The following GPC6 variants were observed in gnomAD, a reference collection of about 807,000 sequenced individuals.
The protein encoded by GPC6 is glypican-6.
In GPC6, 14 loss-of-function variants were observed where a neutral mutation model predicts 55.2. The ratio of observed to expected loss-of-function variants is 0.25; its 90% CI spans 0.17 to 0.40. The LOEUF (loss-of-function observed/expected upper bound fraction) is 0.40, where lower values mean the gene tolerates loss of function less well. Among genes scored for constraint, GPC6 ranks in the 10% least tolerant of loss-of-function variants. GPC6 has a pLI of 1.00. For missense variants in GPC6, 641 were observed against 708.5 expected, an observed-to-expected ratio of 0.90 and a Z score of 1.08; for synonymous variants, 278 against 259.6, an observed-to-expected ratio of 1.07 and a Z score of -0.68.
intron 3 of GPC6, among the ~76,000 whole-genome samples, chr13:93,910,207 G>T (rs1208057741): frequency 6.6e-6 from 1 of 152,004 alleles, no homozygotes; most frequent in African/African-American, 2.4e-5. Context: ...TCATGGGGGT[G>T]GGTCTTTCCC....
At chr13:93,374,898 A>G (rs1167184066) in intron 1 of GPC6, among the ~76,000 whole-genome samples, 1 of 152,190 alleles carries the variant, frequency 6.6e-6, no homozygotes, top group Non-Finnish European at 1.5e-5. Flanking sequence ...TTCAAAATTT[A>G]CCTTATGGCC....
intron 4 of GPC6, among the ~76,000 whole-genome samples, chr13:94,097,600 C>A (rs1365320116): frequency 6.6e-6 from 1 of 151,018 alleles, no homozygotes; most frequent in African/African-American, 2.4e-5. Flanking sequence ...ATCTGTCTCA[C>A]AACAATGTGA....
intron 1 of GPC6, among the ~76,000 whole-genome samples, chr13:93,542,687 T>C (rs990026574): frequency 6.6e-6 from 1 of 151,946 alleles, no homozygotes; most frequent in African/African-American, 2.4e-5. Context: ...GTTTGTATTC[T>C]CTTTTATTTT....
At chr13:94,322,518 G>T (rs1876881688) in intron 6 of GPC6, among the ~76,000 whole-genome samples, 1 of 152,244 alleles carries the variant, frequency 6.6e-6, no homozygotes, top group South Asian at 2.1e-4. Context: ...AATTGCTATT[G>T]TGGAATATTA....
chr13:94,211,272 G>T (rs1269998488), intron 4 of GPC6, among the ~76,000 whole-genome samples: 1 of 152,208 alleles, frequency 6.6e-6, no homozygotes, highest in South Asian at 2.1e-4. Context: ...TGAATCTTTT[G>T]AGAAGAGCTT....
intron 2 of GPC6, among the ~76,000 whole-genome samples, chr13:93,702,125 T>G: frequency 6.6e-6 from 1 of 152,048 alleles, no homozygotes; most frequent in East Asian, 1.9e-4. Flanking sequence ...AATGTATTTC[T>G]TAAATACAAT....
At chr13:93,566,281 C>G (rs1247916516) in intron 2 of GPC6, among the ~76,000 whole-genome samples, 2 of 152,174 alleles carry the variant, frequency 1.3e-5, no homozygotes, top group Non-Finnish European at 2.9e-5. Context: ...ACTATTCTTT[C>G]AAAGTTAAGT....
chr13:93,566,769 A>G (rs1594273543), intron 2 of GPC6, among the ~76,000 whole-genome samples: 1 of 151,582 alleles, frequency 6.6e-6, no homozygotes, highest in African/African-American at 2.4e-5. Flanking sequence ...CTGTACCCAT[A>G]TGTTCTCATT....
chr13:93,342,745 G>C (rs755536986), intron 1 of GPC6, among the ~76,000 whole-genome samples: 3 of 152,178 alleles, frequency 2.0e-5, no homozygotes, highest in Non-Finnish European at 4.4e-5. Flanking sequence ...CTTACTGAGG[G>C]GGACTGGATG....
intron 3 of GPC6, among the ~76,000 whole-genome samples, chr13:93,873,160 T>C (rs553366350): frequency 1.3e-5 from 2 of 152,082 alleles, no homozygotes; most frequent in Admixed American, 6.6e-5. Flanking sequence ...CACACACTTA[T>C]GTAAACAGTC....
intron 4 of GPC6, among the ~76,000 whole-genome samples, chr13:94,070,190 C>G (rs1486010203): frequency 6.6e-6 from 1 of 152,156 alleles, no homozygotes; most frequent in Non-Finnish European, 1.5e-5. Context: ...AGAGAGAGAG[C>G]TTGTGTAGGG....
chr13:94,360,429 T>A (rs1879005936), intron 6 of GPC6, among the ~76,000 whole-genome samples: 1 of 152,202 alleles, frequency 6.6e-6, no homozygotes, highest in Non-Finnish European at 1.5e-5. Context: ...GATTCATCTG[T>A]CTTTGGACCT....
At chr13:94,285,892 A>T (rs1174153466) in intron 4 of GPC6, among the ~76,000 whole-genome samples, 1 of 152,164 alleles carries the variant, frequency 6.6e-6, no homozygotes, top group South Asian at 2.1e-4. Context: ...ATCTTGAGAG[A>T]TCCAGAAATG....
chr13:94,259,519 T>C (rs747798407), intron 4 of GPC6, among the ~76,000 whole-genome samples: 8 of 152,196 alleles, frequency 5.3e-5, no homozygotes, highest in Non-Finnish European at 7.4e-5. Context: ...TTTTCAAAAA[T>C]ATTTTAACGA....
At chr13:94,370,505 G>A (rs908642960) in intron 6 of GPC6, among the ~76,000 whole-genome samples, 2 of 152,136 alleles carry the variant, frequency 1.3e-5, no homozygotes, top group African/African-American at 2.4e-5. Flanking sequence ...TAAAAGGCAC[G>A]TTAGAAGTGT....
intron 4 of GPC6, among the ~76,000 whole-genome samples, chr13:94,142,780 T>G (rs1887428451): frequency 6.6e-6 from 1 of 151,760 alleles, no homozygotes; most frequent in Non-Finnish European, 1.5e-5. Context: ...CCAAAAAATG[T>G]ATATATAGGA....
At chr13:93,872,744 C>T (rs1889166701) in intron 3 of GPC6, among the ~76,000 whole-genome samples, 1 of 151,920 alleles carries the variant, frequency 6.6e-6, no homozygotes, top group African/African-American at 2.4e-5. Flanking sequence ...TCCTTTTGGC[C>T]ATGCAACATA....
intron 3 of GPC6, among the ~76,000 whole-genome samples, chr13:93,963,042 A>G (rs770429226): frequency 6.6e-6 from 1 of 152,184 alleles, no homozygotes; most frequent in African/African-American, 2.4e-5. Context: ...TGTGAAGCAT[A>G]CCAGTCTCCT....
rs552182135 is a variant in GPC6, at chr13:94,180,580, C to T, written c.878-105769C>T. Among the ~76,000 whole-genome samples the T allele has an allele frequency of 9.9e-5, 15 of 152,238 alleles. No homozygotes were observed. The South Asian group carries it at 2.3e-3, about 23-fold the overall frequency. On this transcript the variant is annotated intron_variant, in intron 4 of 8. Transcript: ENST00000377047. ...AATGAGCTACATGCAGAGGGAGTGA[C>T]GGTTCACTAAAGAGATAATGTGATA...
Sources: gnomAD v4.1 joint callset for allele counts (sites outside exome capture counted in the v4.1 genomes callset) on GRCh38, gnomAD v4.1.1 for gene constraint, MANE v1.5 for transcripts, NCBI Gene and HGNC (gene_info 2026-07-23, HGNC 2026-07-21) for gene names.